The following NFYA variants were observed in gnomAD, a reference collection of about 807,000 sequenced individuals.
The protein encoded by NFYA is nuclear transcription factor Y subunit alpha.
A neutral mutation model predicts 52.8 loss-of-function variants in NFYA; 28 were observed. That is an observed-to-expected ratio of 0.53 (90% CI 0.39 to 0.73). The LOEUF (loss-of-function observed/expected upper bound fraction) is 0.73. NFYA is among the 30% of genes least tolerant of loss of function. The pLI is 0.00. For synonymous variants in NFYA, 150 were observed against 150.7 expected, an observed-to-expected ratio of 1.00 and a Z score of 0.03; for missense variants, 234 against 427.0, an observed-to-expected ratio of 0.55 and a Z score of 3.98.
At chr6:41,095,872 G>A (rs1764339476) in intron 9 of NFYA, among the ~76,000 whole-genome samples, 1 of 152,164 alleles carries the variant, frequency 6.6e-6, no homozygotes, top group African/African-American at 2.4e-5. Context: ...TAAGTAAGTT[G>A]TATTTAAGTA....
chr6:41,073,857 CCT>C (rs886822721), intron 1 of NFYA, among the ~76,000 whole-genome samples: 3 of 152,030 alleles, frequency 2.0e-5, no homozygotes, highest in African/African-American at 7.3e-5. Flanking sequence ...CTCGTCATTT[CCT>C]CTCTTCCCCG....
At chr6:41,073,343 C>T (rs867709356) in intron 1 of NFYA, among the ~76,000 whole-genome samples, 1 of 151,874 alleles carries the variant, frequency 6.6e-6, no homozygotes, top group Non-Finnish European at 1.5e-5. Flanking sequence ...CCGACCCTCG[C>T]AGGGTGCCAG....
intron 1 of NFYA, among the ~76,000 whole-genome samples, chr6:41,074,769 T>A (rs963640431): frequency 3.9e-5 from 6 of 152,248 alleles, no homozygotes; most frequent in African/African-American, 1.4e-4. Flanking sequence ...TCTAGAGCTA[T>A]ATTTTTTCCT....
chr6:41,084,084 C>T lies in NFYA; in HGVS notation c.201C>T (p.Gly67=). Residue 67 remains glycine, a synonymous_variant, in exon 4 of 10, where the codon GGC becomes GGT. Transcript: ENST00000341376. The part of the protein sequence containing the change: ...GQPLMVQVSG[G]QLITSTGQPI... Reference sequence around the variant, plus strand: ...CATTAATGGTGCAGGTCAGTGGAGGCCAGCTAATCACATCAACTGGCCAAC... The same window carrying T: ...CATTAATGGTGCAGGTCAGTGGAGGTCAGCTAATCACATCAACTGGCCAAC... The T allele has an allele frequency of 4.3e-6, 7 of 1,613,876 alleles. No individual in the cohort carries two copies. The highest frequency in any genetic ancestry group is 5.9e-6 in the Non-Finnish European group (7 of 1,179,888).
chr6:41,078,246 C>G (rs947382597), intron 1 of NFYA, among the ~76,000 whole-genome samples: 4 of 152,218 alleles, frequency 2.6e-5, no homozygotes, highest in African/African-American at 9.6e-5. Flanking sequence ...TTCTTTCACA[C>G]TGTATTGAGA....
At chr6:41,081,153 GTATAAGTGACAGGAAGAAATTCT>G (rs1309570889) in intron 3 of NFYA, among the ~76,000 whole-genome samples, 1 of 152,162 alleles carries the variant, frequency 6.6e-6, no homozygotes, top group Non-Finnish European at 1.5e-5. Context: ...AAAAGAAATG[GTATAAGTGACAGGAAGAAATTCT>G]TATAAGTGAC....
intron 1 of NFYA, among the ~76,000 whole-genome samples, chr6:41,077,102 G>T (rs1303080664): frequency 6.6e-6 from 1 of 152,154 alleles, no homozygotes; most frequent in Non-Finnish European, 1.5e-5. Context: ...ATTTAGTCTT[G>T]TAAAGATGTA....
chr6:41,094,151 CTG>C (rs776320226), intron 8 of NFYA, among the ~76,000 whole-genome samples: 3 of 152,022 alleles, frequency 2.0e-5, no homozygotes, highest in Non-Finnish European at 4.4e-5. Flanking sequence ...AGGTGGTAGT[CTG>C]TTATTTTTTT....
chr6:41,101,765 G>A lies in NFYA; in HGVS notation c.*4355G>A, dbSNP rs575552218. Among the ~76,000 whole-genome samples, 3 of 152,196 alleles carry A rather than the reference G, an allele frequency of 2.0e-5. No homozygotes were observed. The East Asian group carries it at 5.8e-4, about 29-fold the overall frequency. On this transcript the variant is annotated 3_prime_UTR_variant, in exon 10 of 10. Transcript: ENST00000341376. ...CCTAAGAGAGTAGGGGAAAGAGCTG[G>A]CTCCAGATGAAAAGGGCACCATCTC...
In NFYA at chr6:41,099,448, G is replaced by A. The variant is rs1235890480; in HGVS notation, c.*2038G>A. 6.6e-6 allele frequency: 1 copy of A among 152,150 alleles called. No individual in the cohort carries two copies. The highest frequency in any genetic ancestry group is 1.5e-5 in the Non-Finnish European group (1 of 68,030). 9.4% of individuals were successfully genotyped at this position (152,150 alleles called of 1,614,324 possible). Reference sequence around the variant, plus strand: ...CTTGTTGCTGAATTTTTTATTTGGGGGGAGATGACTTTGAATTTTGTTTGA... The same window carrying A: ...CTTGTTGCTGAATTTTTTATTTGGGAGGAGATGACTTTGAATTTTGTTTGA... On this transcript the variant is annotated 3_prime_UTR_variant, in exon 10 of 10. Transcript: ENST00000341376.
At chr6:41,092,835 G>A in intron 7 of NFYA, 77 bp from the exon 8 acceptor site, 3 of 1,464,510 alleles carry the variant, frequency 2.0e-6, no homozygotes, top group African/African-American at 1.4e-5. Context: ...AAAAAAAATG[G>A]ATGAAGAGGA....
intron 4 of NFYA, among the ~76,000 whole-genome samples, chr6:41,086,109 T>G (rs1356068765): frequency 1.3e-5 from 2 of 152,236 alleles, no homozygotes; most frequent in African/African-American, 4.8e-5. Flanking sequence ...TTCTTCTCTC[T>G]TTGCTTCCTC....
intron 3 of NFYA, among the ~76,000 whole-genome samples, chr6:41,081,667 C>T (rs1361354681): frequency 6.6e-6 from 1 of 152,182 alleles, no homozygotes; most frequent in Non-Finnish European, 1.5e-5. Context: ...GAAAAATAAT[C>T]ATTGCACTTG....
At chr6:41,076,637 T>C (rs1164935248) in intron 1 of NFYA, among the ~76,000 whole-genome samples, 1 of 152,206 alleles carries the variant, frequency 6.6e-6, no homozygotes, top group African/African-American at 2.4e-5. Context: ...AGGAAGAGAA[T>C]TTTCATGCTA....
rs1487693825 is a variant in NFYA, at chr6:41,079,168, T to C, written c.75+4T>C. 3 of 1,614,130 alleles carry C rather than the reference T, an allele frequency of 1.9e-6. No homozygotes were observed. Among genetic ancestry groups the C allele is most frequent in the Admixed American group, 3.3e-5 (2 of 60,024 alleles). On this transcript the variant is annotated splice_donor_region_variant and intron_variant, in intron 2 of 9. Transcript: ENST00000341376. ...GGCAGGACAGATTCAGCAGCAGGTA[T>C]GGAAGCAAAACTGCTTTAAACATTA... is the stretch of plus-strand genomic sequence containing the variant.
At position 41,097,588 on chromosome 6, in the gene NFYA, G is replaced by A. The variant is rs1287122319; in HGVS notation, c.*178G>A. Reference sequence around the variant, plus strand: ...TTGCAGCGATGCCTGGCAAATTGAAGTTGCAAGCCTTTGTCTTACTCTTTC... The same window carrying A: ...TTGCAGCGATGCCTGGCAAATTGAAATTGCAAGCCTTTGTCTTACTCTTTC... On this transcript the variant is annotated 3_prime_UTR_variant, in exon 10 of 10. Transcript: ENST00000341376. 2 of 610,890 alleles carry A rather than the reference G, an allele frequency of 3.3e-6. No homozygotes were observed. The highest frequency in any genetic ancestry group is 5.8e-6 in the Non-Finnish European group (2 of 347,042). 37.8% of individuals were successfully genotyped at this position (610,890 alleles called of 1,614,324 possible).
intron 5 of NFYA, among the ~76,000 whole-genome samples, 173 bp downstream of exon 5, chr6:41,089,883 G>A (rs1169126488): frequency 6.6e-6 from 1 of 152,212 alleles, no homozygotes; most frequent in Non-Finnish European, 1.5e-5. Context: ...ACTTTGAGAG[G>A]CCGAGGCAAG....
chr6:41,088,740 A>T (rs1045714805), intron 4 of NFYA, among the ~76,000 whole-genome samples: 6 of 151,944 alleles, frequency 3.9e-5, no homozygotes, highest in Non-Finnish European at 8.8e-5. Flanking sequence ...ATGTCCTACC[A>T]TGCCTGGATA....
chr6:41,098,723 A>G lies in NFYA; in HGVS notation c.*1313A>G, dbSNP rs923533806. ...TGGTGCCAGTTTTCATGTTTTCTCC[A>G]TAGGCCTTGTGCAGAAAGGTTTTCT... On this transcript the variant is annotated 3_prime_UTR_variant, in exon 10 of 10. Transcript: ENST00000341376. The G allele has an allele frequency of 6.6e-6, 1 of 152,642 alleles. No homozygotes were observed. Among genetic ancestry groups the G allele is most frequent in the Non-Finnish European group, 1.5e-5 (1 of 68,076 alleles). The allele number at this position is 152,642 out of a possible 1,614,324, so 9.5% of individuals were successfully genotyped here.
Sources: gnomAD v4.1 joint callset for allele counts (sites outside exome capture counted in the v4.1 genomes callset) on GRCh38, gnomAD v4.1.1 for gene constraint, MANE v1.5 for transcripts, NCBI Gene and HGNC (gene_info 2026-07-23, HGNC 2026-07-21) for gene names.